Variants in MYO18A observed in about 807,000 individuals in gnomAD.
MYO18A encodes unconventional myosin-XVIIIa.
In MYO18A, 78 loss-of-function variants were observed where a neutral mutation model predicts 235.8. The ratio of observed to expected loss-of-function variants is 0.33; its 90% confidence interval spans 0.28 to 0.40. The LOEUF is 0.40. Among genes scored for constraint, MYO18A ranks in the 10% least tolerant of loss-of-function variants. MYO18A has a pLI of 1.00. For synonymous variants in MYO18A, 977 were observed against 1,077.8 expected, an observed-to-expected ratio of 0.91 and a Z score of 1.83; for missense variants, 2,215 against 2,699.3, an observed-to-expected ratio of 0.82 and a Z score of 3.98.
At chr17:29,099,257 C>G (rs1291241766) in intron 22 of MYO18A, among the ~76,000 whole-genome samples, 1 of 152,220 alleles carries the variant, frequency 6.6e-6, no homozygotes, top group African/African-American at 2.4e-5. Context: ...TTTCCAGCAC[C>G]CTGGCCTAGC....
intron 28 of MYO18A, among the ~76,000 whole-genome samples, chr17:29,096,507 G>A (rs1396875814): frequency 6.6e-6 from 1 of 152,132 alleles, no homozygotes; most frequent in Non-Finnish European, 1.5e-5. Flanking sequence ...GGCCTGGCAC[G>A]GGATGACAGG....
At chr17:29,110,346 G>A (rs992910883) in intron 18 of MYO18A, 90 bp downstream of exon 18, 2 of 1,410,776 alleles carry the variant, frequency 1.4e-6, no homozygotes, top group African/African-American at 2.9e-5. Context: ...GGCACCAGAT[G>A]GCCTCAGTGT....
intron 30 of MYO18A, 114 bp from the exon 31 acceptor site, chr17:29,094,204 C>T (rs2066467765): frequency 1.4e-6 from 1 of 718,868 alleles, no homozygotes; most frequent in Non-Finnish European, 2.3e-6. Flanking sequence ...CAGCCAGTTC[C>T]CTTTGCTGGC....
chr17:29,074,058 A>AG lies in MYO18A; in HGVS notation c.*711dup. ...GGTCCACACACACACTTGTCTGCGTAGGCTTGCTCAACCCAGCCCAGCAGC... is the reference window on the plus strand; with the variant it reads ...GGTCCACACACACACTTGTCTGCGTAGGGCTTGCTCAACCCAGCCCAGCAGC... On this transcript the variant is annotated 3_prime_UTR_variant, in exon 42 of 42. Coordinates refer to ENST00000527372, the MANE Select transcript of MYO18A (RefSeq NM_078471.4). This position sits in a 1 kb window ranked among gnomAD's most constrained non-coding sequence, Gnocchi z 4.4. 1 of 1,614,100 alleles carries AG rather than the reference A, an allele frequency of 6.2e-7. No individual in the cohort carries two copies. Among genetic ancestry groups the AG allele is most frequent in the Non-Finnish European group, 8.5e-7 (1 of 1,180,026 alleles).
At position 29,106,976 on chromosome 17, in the gene MYO18A, G is replaced by T; in HGVS notation, c.3441+104C>A. 1 of 1,127,828 alleles carries T rather than the reference G, an allele frequency of 8.9e-7. No homozygotes were observed. The highest frequency in any genetic ancestry group is 1.3e-6 in the Non-Finnish European group (1 of 755,144). The allele number at this position is 1,127,828 out of a possible 1,614,324, so 69.9% of individuals were successfully genotyped here. ...TTCCAAAACTGGGAGCCTGAGCAGG[G>T]CCAGATGAGCTGTCTCCAGGGAAGG... On this transcript the variant is annotated intron_variant, in intron 20 of 41. Transcript: ENST00000527372. This position sits in a 1 kb window ranked among gnomAD's most constrained non-coding sequence, Gnocchi z 4.6.
intron 10 of MYO18A, 119 bp from the exon 11 acceptor site, chr17:29,116,574 A>G: frequency 1.8e-6 from 2 of 1,130,644 alleles, no homozygotes; most frequent in South Asian, 2.5e-5. Flanking sequence ...GAGGATGAGT[A>G]GGCAAGAAAA....
chr17:29,075,138 G>A (rs2065943438), intron 41 of MYO18A: 3 of 520,590 alleles, frequency 5.8e-6, no homozygotes, highest in Admixed American at 6.3e-5. Flanking sequence ...GCTGAGAGCA[G>A]TGAGTCTCGG....
chr17:29,112,732 A>C (rs1235619725), intron 15 of MYO18A, among the ~76,000 whole-genome samples: 2 of 152,234 alleles, frequency 1.3e-5, no homozygotes, highest in Admixed American at 1.3e-4. Context: ...CCTGGCCTTC[A>C]GGGGCTGGAG....
chr17:29,174,598 T>TTG (rs2068480355), intron 1 of MYO18A, among the ~76,000 whole-genome samples: 1 of 152,158 alleles, frequency 6.6e-6, no homozygotes. Flanking sequence ...GCAGATCACT[T>TTG]GAGGTCAGAA....
Position 29,074,615 on chromosome 17 carries a change from T to C in MYO18A, c.*155A>G, listed in dbSNP as rs574519022. ...TCCACGTGGAGACATCAGACACCCA[T>C]AGCCTGGAAAGTGCCCCTGACAGAA... On this transcript the variant is annotated 3_prime_UTR_variant, in exon 42 of 42. Transcript: ENST00000527372. This position sits in a 1 kb window ranked among gnomAD's most constrained non-coding sequence, Gnocchi z 4.4. The C allele has an allele frequency of 6.5e-6, 5 of 766,744 alleles. No individual in the cohort carries two copies. Among genetic ancestry groups the C allele is most frequent in the South Asian group, 1.7e-5 (1 of 57,410 alleles). 47.5% of individuals were successfully genotyped at this position (766,744 alleles called of 1,614,324 possible). A position where few individuals can be genotyped will look rare whatever the true frequency, so the allele number is the denominator to read the frequency against.
intron 41 of MYO18A, chr17:29,080,890 G>A (rs546947416): frequency 4.1e-6 from 4 of 985,374 alleles, no homozygotes; most frequent in South Asian, 4.7e-5. Flanking sequence ...GAGCGAATCC[G>A]CGTCCCCGGT....
Position 29,165,927 on chromosome 17 carries a change from C to A in MYO18A, c.999+15G>T. 6.2e-7 allele frequency: 1 copy of A among 1,604,450 alleles called. No individual in the cohort carries two copies. Among genetic ancestry groups the A allele is most frequent in the Non-Finnish European group, 8.5e-7 (1 of 1,174,296 alleles). On this transcript the variant is annotated intron_variant, in intron 2 of 41. Coordinates refer to ENST00000527372, the MANE Select transcript of MYO18A (RefSeq NM_078471.4). The stretch of plus-strand genomic sequence containing the variant: ...CCCATCCCTGCTTAGCCCAGGTGCC[C>A]AGGGAAGCACTCACATCGGATGGCT...
In MYO18A at chr17:29,126,638, C is replaced by G. The variant is rs1018232501; in HGVS notation, c.1000-4385G>C. Among the ~76,000 whole-genome samples, 8 of 152,210 alleles carry G rather than the reference C, an allele frequency of 5.3e-5. No individual in the cohort carries two copies. Among genetic ancestry groups the G allele is most frequent in the African/African-American group, 1.9e-4 (8 of 41,452 alleles). On this transcript the variant is annotated intron_variant, in intron 2 of 41. Transcript: ENST00000527372. The surrounding 1 kb of genome is among the most constrained non-coding windows in gnomAD (Gnocchi z 4.1). ...CTCTCAGGCTATTCCCCCATACCCT[C>G]CAGACCCCTCTCCTTCCAGCCAGAA...
At position 29,071,675 on chromosome 17, in the gene MYO18A, T is replaced by A. The variant is rs1218672972; in HGVS notation, c.*3095A>T. 6.6e-6 allele frequency: 1 copy of A among 152,222 alleles called. No homozygotes were observed. The highest frequency in any genetic ancestry group is 2.4e-5 in the African/African-American group (1 of 41,456). The allele number at this position is 152,222 out of a possible 1,614,324, so 9.4% of individuals were successfully genotyped here. On this transcript the variant is annotated 3_prime_UTR_variant, in exon 42 of 42. Transcript: ENST00000527372. ...CCAATCCTCCCCGCCAAAGAGAGCA[T>A]CTCCCTCCATAGTATGTCCAAAGCA...
Position 29,121,895 on chromosome 17 carries a change from G to T in MYO18A, c.1150C>A (p.His384Asn), listed in dbSNP as rs28556759. 5 of 1,613,746 alleles carry T rather than the reference G, an allele frequency of 3.1e-6. No homozygotes were observed. Among genetic ancestry groups the T allele is most frequent in the Non-Finnish European group, 4.2e-6 (5 of 1,179,862 alleles). The part of the protein sequence containing the change: ...PEGKVRVKLD[H>N]DGAILDVDED... ...TCCACATCCAGGATGGCCCCATCGT[G>T]GTCCAGCTTCACACGCACCTTCCCC... The change falls in exon 4 of 42, where the codon CAC (histidine) becomes AAC (asparagine). Residue 384 changes from histidine to asparagine, a missense_variant. His to Asn is a moderately conservative substitution (Grantham distance 68). Transcript: ENST00000527372. The surrounding 1 kb of genome is among the most constrained non-coding windows in gnomAD (Gnocchi z 4.2).
chr17:29,098,186 G>C lies in MYO18A; in HGVS notation c.3909C>G (p.Asn1303Lys), dbSNP rs750716622. 5 of 1,613,988 alleles carry C rather than the reference G, an allele frequency of 3.1e-6. No homozygotes were observed. The South Asian group carries it at 5.5e-5, about 18-fold the overall frequency. ...ELTSELTDER[N>K]TGESASQLLD... ...GCAGCTGGGAGGCGGACTCTCCTGTGTTACGCTCATCTGTCAGCTCCGATG... is the reference window on the plus strand; with the variant it reads ...GCAGCTGGGAGGCGGACTCTCCTGTCTTACGCTCATCTGTCAGCTCCGATG... Residue 1303 changes from asparagine (N) to lysine (K), a missense_variant, in exon 25 of 42, where the codon AAC becomes AAG. Coordinates refer to ENST00000527372, the MANE Select transcript of MYO18A (RefSeq NM_078471.4).
Position 29,098,098 on chromosome 17 carries a change from C to T in MYO18A, c.3990+7G>A, listed in dbSNP as rs1372755476. 1 of 1,612,372 alleles carries T rather than the reference C, an allele frequency of 6.2e-7. No homozygotes were observed. The highest frequency in any genetic ancestry group is 2.2e-5 in the East Asian group (1 of 44,886). Reference sequence around the variant, plus strand: ...GCCTGCTGTTCTCACCCAGGCCCTGCCCTCACCTGCAGTTCCTTCATCTCC... The same window carrying T: ...GCCTGCTGTTCTCACCCAGGCCCTGTCCTCACCTGCAGTTCCTTCATCTCC... On this transcript the variant is annotated splice_region_variant and intron_variant, in intron 25 of 41. Transcript: ENST00000527372.
intron 2 of MYO18A, among the ~76,000 whole-genome samples, chr17:29,131,178 C>T (rs1006497152): frequency 6.6e-6 from 1 of 152,184 alleles, no homozygotes; most frequent in Non-Finnish European, 1.5e-5. Flanking sequence ...TACTTTCTTC[C>T]CCTTTACTAG....
In MYO18A at chr17:29,098,929, T is replaced by C. The variant is rs1346638809; in HGVS notation, c.3677A>G (p.Lys1226Arg). 2.5e-6 allele frequency: 4 copies of C among 1,613,818 alleles called. No individual in the cohort carries two copies. The African/African-American group carries it at 4.0e-5, about 16-fold the overall frequency. ...CCAGTCCTTCACCCCTTTGTTCTTC[T>C]TGATGTTCTTCTGTACACAGCGAAT... Reference protein sequence around the residue: ...LAIRCVQKNIKKNKGVKDWPW... With the variant: ...LAIRCVQKNIRKNKGVKDWPW... Residue 1226 changes from lysine (K) to arginine (R), a missense_variant, in exon 23 of 42, where the codon AAG becomes AGG. Transcript: ENST00000527372.
Sources: allele counts gnomAD v4.1 joint callset (sites outside exome capture counted in the v4.1 genomes callset), GRCh38; gene constraint gnomAD v4.1.1; non-coding constraint Gnocchi (gnomAD v3.1); transcripts MANE v1.5; gene names NCBI Gene and HGNC (gene_info 2026-07-23, HGNC 2026-07-21).